Variants in RYR3 observed in about 807,000 individuals in gnomAD.
RYR3 encodes brain ryanodine receptor-calcium release channel.
A neutral mutation model predicts 584.3 loss-of-function variants in RYR3; 207 were observed. The observed-to-expected ratio is 0.35, with a 90% CI of 0.32 to 0.40. RYR3 has a LOEUF of 0.40. Ranked by LOEUF, RYR3 falls within the 10% of genes least tolerant of loss-of-function variation. The pLI is 1.00. For missense variants in RYR3, 5,616 were observed against 6,089.2 expected, an observed-to-expected ratio of 0.92 and a Z score of 2.59; for synonymous variants, 2,416 against 2,248.5, an observed-to-expected ratio of 1.07 and a Z score of -2.11.
chr15:33,819,568 G>A (rs1035272855), intron 76 of RYR3, among the ~76,000 whole-genome samples, 188 bp from the exon 77 acceptor site: 63 of 152,014 alleles, frequency 4.1e-4, no homozygotes, highest in Non-Finnish European at 7.1e-4. Context: ...CAGCTACTGG[G>A]GAGGTTGAGG....
intron 74 of RYR3, chr15:33,815,905 A>G: frequency 5.0e-6 from 2 of 398,614 alleles, no homozygotes; most frequent in Non-Finnish European, 8.8e-6. Flanking sequence ...GAAAAAACTC[A>G]GTATGACAGG....
chr15:33,447,414 G>C (rs56032255), intron 1 of RYR3, among the ~76,000 whole-genome samples: 5,267 of 152,194 alleles, frequency 0.035, 104 homozygotes, highest in African/African-American at 0.055. Flanking sequence ...GGAGCATTCT[G>C]TTTTCCTAAA....
intron 1 of RYR3, among the ~76,000 whole-genome samples, chr15:33,320,367 G>A (rs1003016292): frequency 3.9e-5 from 6 of 152,190 alleles, no homozygotes; most frequent in Non-Finnish European, 8.8e-5. Context: ...TCATCATATG[G>A]ATGTAGACAT....
intron 2 of RYR3, among the ~76,000 whole-genome samples, chr15:33,480,430 T>C (rs556507187): frequency 6.6e-6 from 1 of 152,360 alleles, no homozygotes; most frequent in East Asian, 1.9e-4. Context: ...AGCAGTAGCA[T>C]TTAGTATCAG....
chr15:33,414,026 C>CT (rs777408256), intron 1 of RYR3, among the ~76,000 whole-genome samples: 101 of 152,280 alleles, frequency 6.6e-4, no homozygotes, highest in Non-Finnish European at 1.0e-3. Flanking sequence ...TGCTACTATA[C>CT]TAATAAAACA....
rs139951337 is a variant in RYR3 at position 33,672,666 on chromosome 15, T to G, written c.5860+2110T>G. On this transcript the variant is annotated intron_variant, in intron 38 of 103. Transcript: ENST00000634891. ...GACAAGGTTGCTGATTACAGAACCA[T>G]ATGCATTAAAGGGTCAAAATCCTTT... Among the ~76,000 whole-genome samples, 142 of 152,372 alleles carry G rather than the reference T, an allele frequency of 9.3e-4. 1 individual carries two copies. The highest frequency in any genetic ancestry group is 3.4e-3 in the African/African-American group (140 of 41,594).
At position 33,660,541 on chromosome 15, in the gene RYR3, C is replaced by T. The variant is rs571957262; in HGVS notation, c.4622+118C>T. The T allele has an allele frequency of 1.6e-4, 101 of 639,758 alleles. No homozygotes were observed. The African/African-American group carries it at 1.8e-3, about 11-fold the overall frequency. The allele number at this position is 639,758 out of a possible 1,614,324, so 39.6% of individuals were successfully genotyped here. A position where few individuals can be genotyped will look rare whatever the true frequency, so the allele number is the denominator to read the frequency against. ...TGGATCCTGCTCAGTCCCAGTATGA[C>T]TTGATTTCCCCAGTGCCTCAGTTTC... On this transcript the variant is annotated intron_variant, in intron 34 of 103. Coordinates refer to ENST00000634891, the MANE Select transcript of RYR3 (RefSeq NM_001036.6).
At chr15:33,762,952 G>A (rs1038955183) in intron 60 of RYR3, among the ~76,000 whole-genome samples, 10 of 152,160 alleles carry the variant, frequency 6.6e-5, no homozygotes, top group African/African-American at 2.4e-4. Flanking sequence ...ACAGGCCTCA[G>A]AAATAACACC....
chr15:33,577,597 C>T (rs1435747952), intron 12 of RYR3, among the ~76,000 whole-genome samples: 1 of 152,164 alleles, frequency 6.6e-6, no homozygotes, highest in African/African-American at 2.4e-5. Context: ...CCCTTCCTTA[C>T]ACCTTATACA....
intron 35 of RYR3, 143 bp downstream of exon 35, chr15:33,663,091 G>T: frequency 1.4e-6 from 1 of 729,038 alleles, no homozygotes; most frequent in South Asian, 1.7e-5. Flanking sequence ...GATGATTATG[G>T]TGCTTGTTGT....
intron 1 of RYR3, among the ~76,000 whole-genome samples, chr15:33,379,687 C>CTCTCTCTCTATATATATATATA: frequency 1.0e-4 from 13 of 125,514 alleles, no homozygotes; most frequent in African/African-American, 4.6e-4. Flanking sequence ...CTCTCTCTCT[C>CTCTCTCTCTATATATATATATA]TATATATATA....
At chr15:33,604,675 C>G (rs2152557864) in intron 18 of RYR3, among the ~76,000 whole-genome samples, 1 of 152,270 alleles carries the variant, frequency 6.6e-6, no homozygotes, top group Middle Eastern at 3.4e-3. Context: ...ATCTTGTGCT[C>G]TCATCCTCCC....
chr15:33,540,996 C>A, intron 7 of RYR3, 106 bp downstream of exon 7: 1 of 677,152 alleles, frequency 1.5e-6, no homozygotes, highest in Non-Finnish European at 2.6e-6. Flanking sequence ...TGTCTTGGTA[C>A]ACAGGTAGCC....
chr15:33,347,075 A>G (rs1285041601), intron 1 of RYR3, among the ~76,000 whole-genome samples: 2 of 152,148 alleles, frequency 1.3e-5, no homozygotes, highest in Non-Finnish European at 2.9e-5. Context: ...ATGTCATATC[A>G]TGGGTCCATA....
chr15:33,360,917 A>T (rs776895307), intron 1 of RYR3, among the ~76,000 whole-genome samples: 26 of 152,250 alleles, frequency 1.7e-4, no homozygotes, highest in Non-Finnish European at 7.4e-5. Flanking sequence ...GAGGTTGCAC[A>T]CCCACTTCCC....
At chr15:33,566,273 G>T (rs552894292) in intron 11 of RYR3, among the ~76,000 whole-genome samples, 20 of 152,316 alleles carry the variant, frequency 1.3e-4, no homozygotes, top group African/African-American at 4.8e-4. Context: ...GCTTTAAATT[G>T]TCTGTCTTTT....
At chr15:33,763,602 A>G (rs1179999830) in intron 60 of RYR3, among the ~76,000 whole-genome samples, 3 of 152,120 alleles carry the variant, frequency 2.0e-5, no homozygotes, top group African/African-American at 7.2e-5. Flanking sequence ...GATGATTAAA[A>G]AGTCGGGAGG....
chr15:33,578,774 A>AAAAAAAC lies in RYR3; in HGVS notation c.1269-1198_1269-1197insAACAAAA, dbSNP rs5811777. Reference sequence around the variant, plus strand: ...ATCCCAGAACTTAGAATAAAAAAAAAAAAACAACAACAAAAAAAAACTCCT... The same window carrying AAAAAAAC: ...ATCCCAGAACTTAGAATAAAAAAAAAAAAAAACAAAACAACAACAAAAAAAAACTCCT... On this transcript the variant is annotated intron_variant, in intron 12 of 103. Coordinates refer to ENST00000634891, the MANE Select transcript of RYR3 (RefSeq NM_001036.6). Among the ~76,000 whole-genome samples, 101 of 140,108 alleles carry AAAAAAAC rather than the reference A, an allele frequency of 7.2e-4. No individual in the cohort carries two copies. In the South Asian group the frequency reaches 0.013, roughly 19 times the overall value. 91.9% of individuals were successfully genotyped at this position (140,108 alleles called of 152,430 possible).
chr15:33,658,271 G>A (rs1276173921), intron 32 of RYR3, among the ~76,000 whole-genome samples: 1 of 152,182 alleles, frequency 6.6e-6, no homozygotes, highest in Admixed American at 6.5e-5. Flanking sequence ...GTAGAACTGA[G>A]GTCCTGTTTT....
Sources: gnomAD v4.1 joint callset for allele counts (sites outside exome capture counted in the v4.1 genomes callset) on GRCh38, gnomAD v4.1.1 for gene constraint, MANE v1.5 for transcripts, NCBI Gene and HGNC (gene_info 2026-07-23, HGNC 2026-07-21) for gene names.